KCNQ3: variants seen among roughly 807,000 people sequenced by gnomAD.
KCNQ3 encodes potassium voltage-gated channel subfamily KQT member 3.
In KCNQ3, 30 loss-of-function variants were observed where a neutral mutation model predicts 92.5. That is an observed-to-expected ratio of 0.32 (90% CI 0.24 to 0.44). The LOEUF (loss-of-function observed/expected upper bound fraction) is 0.44. Ranked by LOEUF, KCNQ3 falls within the 20% of genes least tolerant of loss-of-function variation. The pLI is 1.00. For missense variants in KCNQ3, 913 were observed against 1,140.3 expected (o/e 0.80, Z 2.87); for synonymous variants, 450 against 468.8 (o/e 0.96, Z 0.52).
intron 1 of KCNQ3, among the ~76,000 whole-genome samples, chr8:132,440,789 C>G (rs1821518237): frequency 6.6e-6 from 1 of 152,170 alleles, no homozygotes; most frequent in Non-Finnish European, 1.5e-5. Context: ...CTCTGCCACC[C>G]TCACAGAATG....
chr8:132,132,150 A>T, intron 14 of KCNQ3, 30 bp downstream of exon 14: 1 of 1,352,016 alleles, frequency 7.4e-7, no homozygotes. Context: ...TCACAGATCC[A>T]GTTTTTGGTG....
intron 13 of KCNQ3, among the ~76,000 whole-genome samples, chr8:132,133,930 G>A (rs2469512): frequency 0.32 from 49,316 of 151,986 alleles, 9,109 homozygotes; most frequent in Non-Finnish European, 0.43. Flanking sequence ...CAACTCAAAG[G>A]TAATTATGCA....
intron 1 of KCNQ3, among the ~76,000 whole-genome samples, chr8:132,380,616 G>T (rs140658872): frequency 2.6e-5 from 4 of 152,018 alleles, no homozygotes; most frequent in African/African-American, 9.6e-5. Flanking sequence ...CCACACACCC[G>T]TGGCTGCAGG....
At chr8:132,154,440 C>T (rs750729744) in intron 9 of KCNQ3, among the ~76,000 whole-genome samples, 1 of 152,038 alleles carries the variant, frequency 6.6e-6, no homozygotes, top group Non-Finnish European at 1.5e-5. Context: ...CCCCTGAGGG[C>T]AATTTGACTG....
In KCNQ3 at chr8:132,245,514, A is replaced by AG. The variant is rs373468888; in HGVS notation, c.387-59334_387-59333insC. The stretch of plus-strand genomic sequence containing the variant: ...ATGCAAGTGTGATACAAATACATTC[A>AG]TTGGTCAAAAAATTACAGATGAAGT... On this transcript the variant is annotated intron_variant, in intron 1 of 14. Transcript: ENST00000388996. 2.3e-3 allele frequency among the ~76,000 whole-genome samples: 348 copies of AG among 152,314 alleles called. 1 individual carries two copies. The highest frequency in any genetic ancestry group is 2.5e-3 in the Non-Finnish European group (168 of 68,028).
chr8:132,188,711 A>G (rs1371786576), intron 1 of KCNQ3, among the ~76,000 whole-genome samples: 1 of 152,244 alleles, frequency 6.6e-6, no homozygotes, highest in Non-Finnish European at 1.5e-5. Flanking sequence ...AATAAAACCT[A>G]TTCCTCATTA....
chr8:132,430,378 C>T (rs1046445698), intron 1 of KCNQ3, among the ~76,000 whole-genome samples: 1 of 152,204 alleles, frequency 6.6e-6, no homozygotes, highest in Non-Finnish European at 1.5e-5. Context: ...CCAAGCATTT[C>T]TGTCATGTCT....
intron 1 of KCNQ3, among the ~76,000 whole-genome samples, chr8:132,245,804 A>C (rs1464853966): frequency 6.6e-6 from 1 of 152,158 alleles, no homozygotes; most frequent in Non-Finnish European, 1.5e-5. Context: ...ATGCTGCTAC[A>C]TCCTTGTACA....
chr8:132,423,616 T>A (rs964225571), intron 1 of KCNQ3, among the ~76,000 whole-genome samples: 1 of 152,214 alleles, frequency 6.6e-6, no homozygotes, highest in Non-Finnish European at 1.5e-5. Flanking sequence ...GAAGATCCGA[T>A]GAGCAAATCA....
intron 1 of KCNQ3, chr8:132,277,983 GA>G: frequency 1.0e-6 from 1 of 985,248 alleles, no homozygotes; most frequent in Non-Finnish European, 1.2e-6. Context: ...ACCCCCACAG[GA>G]CAGAAGGGAT....
At chr8:132,130,020 A>G in intron 14 of KCNQ3, 24 bp from the exon 15 acceptor site, 2 of 1,610,864 alleles carry the variant, frequency 1.2e-6, no homozygotes, top group Non-Finnish European at 1.7e-6. Flanking sequence ...GGAGCTGTGA[A>G]TTACCACTTT....
intron 1 of KCNQ3, among the ~76,000 whole-genome samples, chr8:132,365,145 C>T (rs2100648): frequency 0.059 from 9,014 of 152,166 alleles, 485 homozygotes; most frequent in African/African-American, 0.15. Flanking sequence ...CCTTTTTACA[C>T]CCAGAGTCAA....
intron 1 of KCNQ3, among the ~76,000 whole-genome samples, chr8:132,206,201 C>T (rs2130279562): frequency 6.6e-6 from 1 of 152,266 alleles, no homozygotes; most frequent in Non-Finnish European, 1.5e-5. Flanking sequence ...TCTGGGTCAT[C>T]CCTGTCCTTC....
intron 1 of KCNQ3, among the ~76,000 whole-genome samples, chr8:132,258,899 C>T (rs1471561022): frequency 6.6e-6 from 1 of 151,798 alleles, no homozygotes; most frequent in Non-Finnish European, 1.5e-5. Flanking sequence ...AATTAGATAA[C>T]CTAGATGAAA....
At chr8:132,447,962 A>G (rs1483742070) in intron 1 of KCNQ3, among the ~76,000 whole-genome samples, 1 of 152,322 alleles carries the variant, frequency 6.6e-6, no homozygotes, top group East Asian at 1.9e-4. Context: ...CAGCGTAACC[A>G]AATCCCCTTT....
intron 1 of KCNQ3, among the ~76,000 whole-genome samples, chr8:132,366,419 T>C (rs1283271351): frequency 6.6e-6 from 1 of 152,166 alleles, no homozygotes; most frequent in Non-Finnish European, 1.5e-5. Context: ...TCTTTCCTAA[T>C]CTTCTTGCTT....
chr8:132,427,506 C>CCT (rs1821141319), intron 1 of KCNQ3, among the ~76,000 whole-genome samples: 1 of 152,156 alleles, frequency 6.6e-6, no homozygotes, highest in African/African-American at 2.4e-5. Context: ...GCCTGATAAA[C>CCT]ACTTAAAATC....
At chr8:132,465,485 C>T (rs1371447155) in intron 1 of KCNQ3, among the ~76,000 whole-genome samples, 3 of 151,960 alleles carry the variant, frequency 2.0e-5, no homozygotes, top group Non-Finnish European at 4.4e-5. Context: ...CCAGCACTTT[C>T]GGAGGCGGAG....
At chr8:132,209,833 T>TA (rs748007847) in intron 1 of KCNQ3, among the ~76,000 whole-genome samples, 1 of 152,168 alleles carries the variant, frequency 6.6e-6, no homozygotes, top group Non-Finnish European at 1.5e-5. Context: ...ATCCTCAACT[T>TA]ACAATATTTT....
Sources: allele counts gnomAD v4.1 joint callset (sites outside exome capture counted in the v4.1 genomes callset), GRCh38; gene constraint gnomAD v4.1.1; transcripts MANE v1.5; gene names NCBI Gene and HGNC (gene_info 2026-07-23, HGNC 2026-07-21).